Variants in BRDT observed in about 807,000 individuals in gnomAD.
BRDT encodes the protein bromodomain testis associated.
BRDT carries 77 observed loss-of-function variants against 113.9 expected under a neutral mutation model. That is an observed-to-expected ratio of 0.68 (90% CI 0.56 to 0.82). The LOEUF is 0.82. Ranked by LOEUF, BRDT falls within the 40% of genes least tolerant of loss-of-function variation. The probability of loss-of-function intolerance (pLI) is 0.00; values close to 1 mark genes in which losing one functional copy is unlikely to be tolerated. For missense variants in BRDT, 1,027 were observed against 1,105.4 expected (o/e 0.93, Z 1.01); for synonymous variants, 358 against 366.5 (o/e 0.98, Z 0.26).
intron 18 of BRDT, among the ~76,000 whole-genome samples, chr1:92,010,267 A>ATTTTTTTTTTT: frequency 9.9e-6 from 1 of 101,056 alleles, no homozygotes; most frequent in Non-Finnish European, 1.9e-5. Context: ...TGCTCTTTTA[A>ATTTTTTTTTTT]TTTTTTTTTT....
At chr1:91,979,341 C>G (rs894898749) in intron 7 of BRDT, among the ~76,000 whole-genome samples, 7 of 151,864 alleles carry the variant, frequency 4.6e-5, no homozygotes, top group Non-Finnish European at 1.0e-4. Flanking sequence ...TTGATCTCCC[C>G]CATCTCCGGT....
Position 91,968,197 on chromosome 1 carries a change from C to G in BRDT, c.382C>G (p.Gln128Glu). 2 of 1,613,918 alleles carry G rather than the reference C, an allele frequency of 1.2e-6. No homozygotes were observed. The highest frequency in any genetic ancestry group is 1.7e-6 in the Non-Finnish European group (2 of 1,179,946). Residue 128 changes from glutamine to glutamate, a missense_variant, in exon 4 of 19, where the codon CAG becomes GAG. Coordinates refer to ENST00000399546, the MANE Select transcript of BRDT (RefSeq NM_207189.4). ...ACAAGCTCTAGAGAAGCTGTTTATG[C>G]AGAAATTATCTCAGATGCCACAAGA... ...MAQALEKLFM[Q>E]KLSQMPQEEQ...
intron 14 of BRDT, 79 bp from the exon 15 acceptor site, chr1:91,994,004 G>C: frequency 8.7e-7 from 1 of 1,144,276 alleles, no homozygotes; most frequent in Non-Finnish European, 1.2e-6. Flanking sequence ...TTATATTCTT[G>C]ACTCTTGTGT....
chr1:91,977,334 T>G lies in BRDT; in HGVS notation c.910T>G (p.Leu304Val). 6.2e-7 allele frequency: 1 copy of G among 1,613,658 alleles called. No individual in the cohort carries two copies. The change falls in exon 6 of 19, where the codon TTG becomes GTG. Residue 304 changes from leucine (L) to valine (V), a missense_variant. By Grantham distance (32) the Leu-to-Val change is conservative. Coordinates refer to ENST00000399546, the MANE Select transcript of BRDT (RefSeq NM_207189.4). Reference protein sequence around the residue: ...PFYNPVDVNALGLHNYYDVVK... With the variant: ...PFYNPVDVNAVGLHNYYDVVK... Reference sequence around the variant, plus strand: ...TTATAATCCTGTTGACGTTAATGCTTTGGGACTCCATAACTACTATGACGT... The same window carrying G: ...TTATAATCCTGTTGACGTTAATGCTGTGGGACTCCATAACTACTATGACGT...
rs376728584 is a variant in BRDT, at chr1:91,969,219, C to T, written c.445+959C>T. On this transcript the variant is annotated intron_variant, in intron 4 of 18. Coordinates refer to ENST00000399546, the MANE Select transcript of BRDT (RefSeq NM_207189.4). The stretch of plus-strand genomic sequence containing the variant: ...CCTCCCAAAGTGCTGGGATTACAGG[C>T]GTGAGCCACCGCGCCTGGCCCTAAA... 5.9e-5 allele frequency among the ~76,000 whole-genome samples: 9 copies of T among 152,082 alleles called. No individual in the cohort carries two copies. In the East Asian group the frequency reaches 1.2e-3, roughly 20 times the overall value.
At chr1:91,967,867 G>A (rs961337466) in intron 3 of BRDT, among the ~76,000 whole-genome samples, 5 of 152,126 alleles carry the variant, frequency 3.3e-5, no homozygotes, top group African/African-American at 1.2e-4. Context: ...TGATTTAGTA[G>A]GATTGCTTGG....
intron 12 of BRDT, among the ~76,000 whole-genome samples, chr1:91,987,795 A>C: frequency 6.6e-6 from 1 of 152,090 alleles, no homozygotes; most frequent in Non-Finnish European, 1.5e-5. Flanking sequence ...GGTATTAAGT[A>C]AACTCTTTAA....
chr1:91,962,706 T>G lies in BRDT; in HGVS notation c.-37-12T>G, dbSNP rs1323336351. 3.4e-6 allele frequency: 5 copies of G among 1,452,010 alleles called. No individual in the cohort carries two copies. The allele number at this position is 1,452,010 out of a possible 1,614,324, so 89.9% of individuals were successfully genotyped here. A position where few individuals can be genotyped will look rare whatever the true frequency, so the allele number is the denominator to read the frequency against. On this transcript the variant is annotated splice_polypyrimidine_tract_variant and intron_variant, in intron 1 of 18. Transcript: ENST00000399546. ...TAAAGTGCTTCTGAAGTACTCAGTT[T>G]TTGTTTTTCAGGACATGTACTTGTA...
intron 12 of BRDT, among the ~76,000 whole-genome samples, chr1:91,982,353 T>G (rs1052047764): frequency 6.6e-6 from 1 of 152,210 alleles, no homozygotes; most frequent in African/African-American, 2.4e-5. Flanking sequence ...TTGTATAGTT[T>G]AGCAGTTGTA....
chr1:91,970,138 A>G (rs535761383), intron 4 of BRDT, among the ~76,000 whole-genome samples: 11 of 151,972 alleles, frequency 7.2e-5, no homozygotes, highest in South Asian at 2.1e-4. Context: ...CCTACATTTA[A>G]GTTTTTTGTT....
rs376395236 is a variant in BRDT at position 91,971,780 on chromosome 1, C to T, written c.445+3520C>T. On this transcript the variant is annotated intron_variant, in intron 4 of 18. Coordinates refer to ENST00000399546, the MANE Select transcript of BRDT (RefSeq NM_207189.4). ...TTCCAGCTAGAGGAATCAGCTAGAGCAAAGGCCTATAACAGATCCTTTCCT... is the reference window on the plus strand; with the variant it reads ...TTCCAGCTAGAGGAATCAGCTAGAGTAAAGGCCTATAACAGATCCTTTCCT... 9.2e-5 allele frequency among the ~76,000 whole-genome samples: 14 copies of T among 152,198 alleles called. No individual in the cohort carries two copies. The East Asian group carries it at 2.7e-3, about 29-fold the overall frequency.
chr1:91,988,977 T>C (rs760927357), intron 12 of BRDT, among the ~76,000 whole-genome samples: 4 of 152,150 alleles, frequency 2.6e-5, no homozygotes, highest in Non-Finnish European at 5.9e-5. Context: ...TGCCTTTTGC[T>C]AATATCTTTA....
chr1:92,008,871 A>T (rs1240129977), intron 18 of BRDT, among the ~76,000 whole-genome samples: 1 of 152,218 alleles, frequency 6.6e-6, no homozygotes, highest in Non-Finnish European at 1.5e-5. Context: ...TTAATTGACA[A>T]TTATATATAT....
chr1:91,970,101 A>G (rs1315699209), intron 4 of BRDT, among the ~76,000 whole-genome samples: 1 of 152,052 alleles, frequency 6.6e-6, no homozygotes, highest in Non-Finnish European at 1.5e-5. Context: ...AAGTGCTGTG[A>G]TTACAGGCAT....
intron 18 of BRDT, among the ~76,000 whole-genome samples, chr1:92,009,674 C>G (rs563099864): frequency 1.3e-5 from 2 of 151,702 alleles, no homozygotes; most frequent in African/African-American, 2.4e-5. Flanking sequence ...CCCAACCCCC[C>G]AGTAGCTGGG....
intron 12 of BRDT, 52 bp from the exon 13 acceptor site, chr1:91,991,132 G>T: frequency 5.2e-6 from 6 of 1,158,482 alleles, no homozygotes; most frequent in African/African-American, 1.6e-5. Context: ...ATTATAACTT[G>T]GTATTTTTTA....
At chr1:92,006,535 C>T (rs947215888) in intron 18 of BRDT, among the ~76,000 whole-genome samples, 3 of 150,708 alleles carry the variant, frequency 2.0e-5, no homozygotes, top group African/African-American at 4.9e-5. Context: ...GGTGTGATCT[C>T]GGCTCACTGC....
chr1:91,960,325 A>T (rs1682297624), intron 1 of BRDT, among the ~76,000 whole-genome samples: 1 of 152,250 alleles, frequency 6.6e-6, no homozygotes, highest in Admixed American at 6.5e-5. Context: ...ATGGATAAAG[A>T]AAATGATAGA....
In BRDT at chr1:91,981,618, C is replaced by T. The variant is rs1684741013; in HGVS notation, c.1865C>T (p.Ser622Phe). 2.5e-6 allele frequency: 4 copies of T among 1,611,680 alleles called. No individual in the cohort carries two copies. In the South Asian group the frequency reaches 3.3e-5, roughly 13 times the overall value. ...QLNSRKRQTK[S>F]DKTQPSKAVE... ...TTTAATATGTTTCTCTGTTTTGTAG[C>T]TGATAAAACGCAACCATCCAAAGCT... Residue 622 changes from serine (S) to phenylalanine (F), a missense_variant and splice_region_variant, in exon 12 of 19, where the codon TCT (serine) becomes TTT (phenylalanine). By Grantham distance (155) the Ser-to-Phe change is radical (BLOSUM62 -2). Transcript: ENST00000399546.
Sources: gnomAD v4.1 joint callset for allele counts (sites outside exome capture counted in the v4.1 genomes callset) on GRCh38, gnomAD v4.1.1 for gene constraint, MANE v1.5 for transcripts, NCBI Gene and HGNC (gene_info 2026-07-23, HGNC 2026-07-21) for gene names.